Variants in SLCO4A1 observed in about 807,000 individuals in gnomAD.
SLCO4A1 encodes solute carrier organic anion transporter family member 4A1.
SLCO4A1 carries 51 observed loss-of-function variants against 64.6 expected under a neutral mutation model. The observed-to-expected ratio is 0.79, with a 90% CI of 0.63 to 1.00. SLCO4A1 has a LOEUF of 1.00. SLCO4A1 is among the 50% of genes least tolerant of loss of function. The pLI is 0.00. For missense variants in SLCO4A1, 919 were observed against 980.5 expected, an observed-to-expected ratio of 0.94 and a Z score of 0.84; for synonymous variants, 471 against 444.9, an observed-to-expected ratio of 1.06 and a Z score of -0.74.
chr20:62,668,682 T>C, intron 10 of SLCO4A1, 141 bp downstream of exon 10: 1 of 883,858 alleles, frequency 1.1e-6, no homozygotes, highest in Non-Finnish European at 1.8e-6. Flanking sequence ...ATTCCCTAAC[T>C]GTCCACTAGA....
downstream of SLCO4A1, among the ~76,000 whole-genome samples, chr20:62,674,469 A>G (rs1987492633): frequency 1.3e-5 from 2 of 152,224 alleles, no homozygotes; most frequent in African/African-American, 4.8e-5. Context: ...GGAAGAGCCC[A>G]GGGACACTGG....
At position 62,685,764 on chromosome 20, in the gene SLCO4A1, GA is replaced by G. The variant is rs1338590108; in HGVS notation, n.538del. The G allele has an allele frequency of 6.6e-6, 1 of 152,166 alleles. No homozygotes were observed. The highest frequency in any genetic ancestry group is 1.5e-5 in the Non-Finnish European group (1 of 68,030). The allele number at this position is 152,166 out of a possible 1,614,324, so 9.4% of individuals were successfully genotyped here. On this transcript the variant is annotated non_coding_transcript_exon_variant, in exon 3 of 3. Transcript: ENST00000466818. This position sits in a 1 kb window ranked among gnomAD's most constrained non-coding sequence, Gnocchi z 4.6. ...AGTGTGCAGATGCGCCCGTTCTAAG[GA>G]AATAAAGGGTTCTGCCCTCCTAAGA...
At position 62,682,108 on chromosome 20, in the gene SLCO4A1, G is replaced by C. The variant is rs192728566; in HGVS notation, n.212-3333G>C. 7.5e-4 allele frequency among the ~76,000 whole-genome samples: 114 copies of C among 152,338 alleles called. 1 individual carries two copies. The highest frequency in any genetic ancestry group is 2.7e-3 in the African/African-American group (114 of 41,570). ...GACTGCTGCGTGCCTCTCCCTCCCT[G>C]CTCTTTGAAAGGGGAGCCGACGGTG... is the stretch of plus-strand genomic sequence containing the variant. On this transcript the variant is annotated intron_variant and non_coding_transcript_variant, in intron 2 of 2. Transcript: ENST00000466818.
At chr20:62,674,819 T>C (rs1011456172), downstream of SLCO4A1, among the ~76,000 whole-genome samples, 3 of 152,144 alleles carry the variant, frequency 2.0e-5, no homozygotes, top group East Asian at 5.8e-4. Context: ...ACCAAGCTCC[T>C]CTCTCCTCTA....
At chr20:62,650,770 G>A (rs941094006) in intron 1 of SLCO4A1, 3 of 152,272 alleles carry the variant, frequency 2.0e-5, no homozygotes, top group East Asian at 1.9e-4. Context: ...CGGCTGCTGC[G>A]GCTAAGATGC....
chr20:62,659,956 A>T (rs1984458993), intron 3 of SLCO4A1, among the ~76,000 whole-genome samples: 1 of 152,170 alleles, frequency 6.6e-6, no homozygotes, highest in South Asian at 2.1e-4. Flanking sequence ...GAAAGCACTT[A>T]TGTGCAAATT....
chr20:62,690,064 G>A (rs558130851), downstream of SLCO4A1, among the ~76,000 whole-genome samples: 234 of 152,348 alleles, frequency 1.5e-3, 2 homozygotes, highest in Admixed American at 4.1e-3. Flanking sequence ...CAGCCCCCTT[G>A]CCTGGTGAGT....
downstream of SLCO4A1, among the ~76,000 whole-genome samples, chr20:62,687,884 G>T (rs570359995): frequency 1.3e-4 from 20 of 152,230 alleles, no homozygotes; most frequent in South Asian, 4.1e-3. Context: ...GGGAGTGCAG[G>T]AAAAGGTACC....
chr20:62,668,773 A>G (rs1233738507), intron 10 of SLCO4A1, among the ~76,000 whole-genome samples, 157 bp from the exon 11 acceptor site: 1 of 152,142 alleles, frequency 6.6e-6, no homozygotes, highest in Non-Finnish European at 1.5e-5. Flanking sequence ...CGAATGCCCA[A>G]AGAAAGGAAC....
chr20:62,672,206 G>C lies in SLCO4A1; in HGVS notation c.*313G>C. Reference sequence around the variant, plus strand: ...CCGCAGGGGCTGTGAATCCCACTGGGAGGGCGGTGGGCCTGCAGCCTGAGG... The same window carrying C: ...CCGCAGGGGCTGTGAATCCCACTGGCAGGGCGGTGGGCCTGCAGCCTGAGG... On this transcript the variant is annotated 3_prime_UTR_variant, in exon 12 of 12. Transcript: ENST00000217159. 1.5e-6 allele frequency: 2 copies of C among 1,296,668 alleles called. No homozygotes were observed. The highest frequency in any genetic ancestry group is 2.0e-6 in the Non-Finnish European group (2 of 1,015,148). The allele number at this position is 1,296,668 out of a possible 1,614,324, so 80.3% of individuals were successfully genotyped here. A position where few individuals can be genotyped will look rare whatever the true frequency, so the allele number is the denominator to read the frequency against.
chr20:62,684,992 G>A (rs557728698), intron 2 of SLCO4A1, among the ~76,000 whole-genome samples: 5 of 152,150 alleles, frequency 3.3e-5, no homozygotes, highest in Non-Finnish European at 5.9e-5. Context: ...AGGCAGCCAC[G>A]CCAGGGGCTC....
chr20:62,669,979 T>TGCTTCTG (rs1986997548), intron 11 of SLCO4A1: 1 of 152,282 alleles, frequency 6.6e-6, no homozygotes, highest in African/African-American at 2.4e-5. Flanking sequence ...CACCACAGTC[T>TGCTTCTG]GAATGTATTA....
intron 2 of SLCO4A1, among the ~76,000 whole-genome samples, chr20:62,658,330 C>A (rs1335464694): frequency 6.6e-6 from 1 of 152,190 alleles, no homozygotes; most frequent in African/African-American, 2.4e-5. Context: ...CGGAGGGGCT[C>A]AGGCCTCTCT....
rs138185426 is a variant in SLCO4A1, at chr20:62,660,798, A to G, written c.1009+265A>G. Among the ~76,000 whole-genome samples the G allele has an allele frequency of 2.5e-3, 381 of 152,200 alleles. 3 individuals carry two copies. The highest frequency in any genetic ancestry group is 8.8e-3 in the African/African-American group (365 of 41,522). ...CAGGCCACGGAACAGGCTTGTCCCA[A>G]TCAGGGCAGGGCCTCCATCCCCTCC... On this transcript the variant is annotated intron_variant, in intron 4 of 11. Coordinates refer to ENST00000217159, the MANE Select transcript of SLCO4A1 (RefSeq NM_016354.4).
At chr20:62,681,200 T>G (rs534218865) in intron 2 of SLCO4A1, among the ~76,000 whole-genome samples, 3 of 152,200 alleles carry the variant, frequency 2.0e-5, no homozygotes, top group Non-Finnish European at 2.9e-5. Context: ...TTTCTTTAAG[T>G]TGAAATAATG....
intron 3 of SLCO4A1, 119 bp downstream of exon 3, chr20:62,658,886 C>A: frequency 1.2e-6 from 1 of 850,838 alleles, no homozygotes; most frequent in Non-Finnish European, 1.9e-6. Flanking sequence ...TGCTGGGCAC[C>A]CCCCGGGCTG....
chr20:62,668,686 C>T lies in SLCO4A1; in HGVS notation c.1876+145C>T. ...GGAAGGGGTCCATTCCCTAACTGTC[C>T]ACTAGAGGGGCCCATCGTCATTTAT... On this transcript the variant is annotated intron_variant, in intron 10 of 11. Coordinates refer to ENST00000217159, the MANE Select transcript of SLCO4A1 (RefSeq NM_016354.4). 4 of 865,408 alleles carry T rather than the reference C, an allele frequency of 4.6e-6. No individual in the cohort carries two copies. The Admixed American group carries it at 5.9e-5, about 13-fold the overall frequency. The allele number at this position is 865,408 out of a possible 1,614,324, so 53.6% of individuals were successfully genotyped here. A position where few individuals can be genotyped will look rare whatever the true frequency, so the allele number is the denominator to read the frequency against.
At chr20:62,669,575 A>C (rs1986950673) in intron 11 of SLCO4A1, among the ~76,000 whole-genome samples, 1 of 152,206 alleles carries the variant, frequency 6.6e-6, no homozygotes, top group African/African-American at 2.4e-5. Flanking sequence ...AAGCTAACAG[A>C]AACTTTCTGT....
downstream of SLCO4A1, among the ~76,000 whole-genome samples, chr20:62,685,989 A>C (rs1230532117): frequency 6.6e-6 from 1 of 152,000 alleles, no homozygotes; most frequent in Admixed American, 6.5e-5. This position sits in a 1 kb window ranked among gnomAD's most constrained non-coding sequence, Gnocchi z 4.6. Context: ...ACATACCATG[A>C]TGAGAGCCGC....
Sources: gnomAD v4.1 joint callset for allele counts (sites outside exome capture counted in the v4.1 genomes callset) on GRCh38, gnomAD v4.1.1 for gene constraint, Gnocchi (gnomAD v3.1) non-coding constraint, MANE v1.5 for transcripts, NCBI Gene and HGNC (gene_info 2026-07-23, HGNC 2026-07-21) for gene names.